The following RTP5 variants were observed in gnomAD, a reference collection of about 807,000 sequenced individuals.
RTP5 encodes the protein receptor-transporting protein 5.
In RTP5, 30 loss-of-function variants were observed where a neutral mutation model predicts 23.5. The observed-to-expected ratio is 1.27, with a 90% CI of 0.95 to 1.73. The LOEUF (loss-of-function observed/expected upper bound fraction) is 1.73, where lower values mean the gene tolerates loss of function less well. Ranked by LOEUF, RTP5 falls within the 40% of genes most tolerant of loss-of-function variation. RTP5 has a pLI of 0.00. For synonymous variants in RTP5, 354 were observed against 342.1 expected (o/e 1.03, Z -0.38); for missense variants, 807 against 784.2 (o/e 1.03, Z -0.35).
At chr2:241,870,672 A>G (rs112207834) in intron 1 of RTP5, among the ~76,000 whole-genome samples, 5,596 of 152,178 alleles carry the variant, frequency 0.037, 360 homozygotes, top group African/African-American at 0.13. Context: ...GAAAGTAATA[A>G]CCCGTGTTGG....
intron 1 of RTP5, among the ~76,000 whole-genome samples, chr2:241,870,679 T>C (rs1701301254): frequency 1.3e-5 from 2 of 152,238 alleles, no homozygotes; most frequent in African/African-American, 4.8e-5. Context: ...ATAACCCGTG[T>C]TGGGGTCTGA....
At position 241,871,716 on chromosome 2, in the gene RTP5, T is replaced by A; in HGVS notation, c.161T>A (p.Leu54His). Residue 54 changes from leucine to histidine, a missense_variant and splice_region_variant, in exon 2 of 2, where the codon CTC becomes CAC. Coordinates refer to ENST00000343216, the MANE Select transcript of RTP5 (RefSeq NM_173821.3). ...ACACACTTCTTTCCCCGCCGCAGGCTCCAGTGCGGTCACTGTCCGGGGACC... is the reference window on the plus strand; with the variant it reads ...ACACACTTCTTTCCCCGCCGCAGGCACCAGTGCGGTCACTGTCCGGGGACC... ...VQYLLVGLSR[L>H]QCGHCPGTWD... The A allele has an allele frequency of 1.2e-6, 2 of 1,603,508 alleles. No homozygotes were observed. Among genetic ancestry groups the A allele is most frequent in the South Asian group, 2.2e-5 (2 of 89,356 alleles).
Position 241,872,371 on chromosome 2 carries a change from C to T in RTP5, c.816C>T (p.Gly272=). 1 of 1,612,264 alleles carries T rather than the reference C, an allele frequency of 6.2e-7. No individual in the cohort carries two copies. The highest frequency in any genetic ancestry group is 8.5e-7 in the Non-Finnish European group (1 of 1,179,784). Residue 272 remains glycine (G), a synonymous_variant, in exon 2 of 2, where the codon GGC becomes GGT. Coordinates refer to ENST00000343216, the MANE Select transcript of RTP5 (RefSeq NM_173821.3). ...PVAIGDPLFH[G]PGLLGSSIQT... is the part of the protein sequence containing the mutation. Reference sequence around the variant, plus strand: ...CCATTGGAGACCCCCTCTTCCACGGCCCCGGCCTCCTCGGCAGCAGCATCC... The same window carrying T: ...CCATTGGAGACCCCCTCTTCCACGGTCCCGGCCTCCTCGGCAGCAGCATCC...
In RTP5 at chr2:241,871,799, C is replaced by G. The variant is rs755194626; in HGVS notation, c.244C>G (p.Arg82Gly). Residue 82 changes from arginine to glycine, a missense_variant, in exon 2 of 2, where the codon CGG becomes GGG. Transcript: ENST00000343216. ...FHLWWDRASH[R>G]GLVKMRIWGQ... is the part of the protein sequence containing the mutation. ...CCTGTGGTGGGACAGGGCCAGCCACCGGGGGCTGGTGAAGATGCGCATCTG... is the reference window on the plus strand; with the variant it reads ...CCTGTGGTGGGACAGGGCCAGCCACGGGGGGCTGGTGAAGATGCGCATCTG... 6.3e-7 allele frequency: 1 copy of G among 1,577,472 alleles called. No individual in the cohort carries two copies. The highest frequency in any genetic ancestry group is 1.3e-5 in the African/African-American group (1 of 74,164).
Position 241,872,391 on chromosome 2 carries a change from G to A in RTP5, c.836G>A (p.Ser279Asn), listed in dbSNP as rs1412897691. The A allele has an allele frequency of 6.2e-7, 1 of 1,612,434 alleles. No homozygotes were observed. ...CACGGCCCCGGCCTCCTCGGCAGCA[G>A]CATCCAGACCTTCGAGCTCAAGGGC... Reference protein sequence around the residue: ...LFHGPGLLGSSIQTFELKGFL... With the variant: ...LFHGPGLLGSNIQTFELKGFL... The change falls in exon 2 of 2, where the codon AGC (serine) becomes AAC (asparagine). Residue 279 changes from serine to asparagine, a missense_variant. Transcript: ENST00000343216.
intron 1 of RTP5, 143 bp downstream of exon 1, chr2:241,870,057 T>A: frequency 1.2e-6 from 1 of 867,844 alleles, no homozygotes. Context: ...GGGTGCTCCT[T>A]CTCCCGCCGG....
chr2:241,873,311 C>A lies in RTP5; in HGVS notation c.*37C>A, dbSNP rs1701363975. ...TCAGGCAACCCTCGCCTCTGGGACC[C>A]CGCCTCGCCTCTGAGACACCCCCCA... On this transcript the variant is annotated 3_prime_UTR_variant, in exon 2 of 2. Transcript: ENST00000343216. 8 of 1,535,624 alleles carry A rather than the reference C, an allele frequency of 5.2e-6. No homozygotes were observed. The highest frequency in any genetic ancestry group is 6.1e-6 in the Non-Finnish European group (7 of 1,144,268).
At position 241,873,588 on chromosome 2, in the gene RTP5, T is replaced by C. The variant is rs1575410426; in HGVS notation, c.*314T>C. 2.6e-5 allele frequency: 2 copies of C among 76,956 alleles called. No individual in the cohort carries two copies. The highest frequency in any genetic ancestry group is 4.5e-5 in the Non-Finnish European group (2 of 44,504). The allele number at this position is 76,956 out of a possible 1,614,324, so 4.8% of individuals were successfully genotyped here. On this transcript the variant is annotated 3_prime_UTR_variant, in exon 2 of 2. Transcript: ENST00000343216. ...GACCCCTTTCTCTGAGACCCCTGCC[T>C]CTGAAGCCCCGCCCCCCGCCTCCGA...
intron 1 of RTP5, 83 bp downstream of exon 1, chr2:241,869,997 G>T (rs1034164590): frequency 2.3e-5 from 31 of 1,319,252 alleles, no homozygotes; most frequent in Non-Finnish European, 2.8e-5. Flanking sequence ...CCCAGAGGCT[G>T]GGTGGGGCTG....
In RTP5 at chr2:241,869,849, G is replaced by C; in HGVS notation, c.93G>C (p.Glu31Asp). Residue 31 changes from glutamate to aspartate, a missense_variant, in exon 1 of 2, where the codon GAG (glutamate) becomes GAC (aspartate). Glu to Asp is a conservative substitution (Grantham distance 45, BLOSUM62 2). Transcript: ENST00000343216. ...KPQDVWVLLP[E>D]HSLVPGCLDG... ...AGGACGTCTGGGTTCTGCTACCTGAGCACAGCCTGGTCCCGGGATGCCTGG... is the reference window on the plus strand; with the variant it reads ...AGGACGTCTGGGTTCTGCTACCTGACCACAGCCTGGTCCCGGGATGCCTGG... The C allele has an allele frequency of 1.3e-6, 2 of 1,588,166 alleles. No individual in the cohort carries two copies.
Position 241,872,123 on chromosome 2 carries a change from AC to A in RTP5, c.572del (p.Pro191LeufsTer42). On this transcript the variant is annotated frameshift_variant, in exon 2 of 2. Coordinates refer to ENST00000343216, the MANE Select transcript of RTP5 (RefSeq NM_173821.3). LOFTEE classifies it high-confidence loss of function. ...GTVSRGKPLS[T>X]PGDDLGKGGV... Reference sequence around the variant, plus strand: ...CGTCTCCAGGGGCAAACCGCTGTCCACCCCTGGCGACGACCTTGGCAAGGGT... The same window carrying A: ...CGTCTCCAGGGGCAAACCGCTGTCCACCCTGGCGACGACCTTGGCAAGGGT... 6.2e-7 allele frequency: 1 copy of A among 1,607,178 alleles called. No homozygotes were observed. The highest frequency in any genetic ancestry group is 8.5e-7 in the Non-Finnish European group (1 of 1,175,864).
Position 241,873,139 on chromosome 2 carries a change from C to T in RTP5, c.1584C>T (p.Arg528=). Residue 528 remains arginine (R), a synonymous_variant, in exon 2 of 2, where the codon CGC becomes CGT. Coordinates refer to ENST00000343216, the MANE Select transcript of RTP5 (RefSeq NM_173821.3). ...RCGCRREEDE[R]PGRACRRPHA... ...GGTGCCGCCGGGAGGAAGACGAGCG[C>T]CCTGGCCGTGCCTGCCGTAGGCCGC... 6.2e-7 allele frequency: 1 copy of T among 1,612,120 alleles called. No homozygotes were observed. Among genetic ancestry groups the T allele is most frequent in the Non-Finnish European group, 8.5e-7 (1 of 1,179,938 alleles).
Position 241,872,008 on chromosome 2 carries a change from C to G in RTP5, c.453C>G (p.Val151=). The G allele has an allele frequency of 6.3e-7, 1 of 1,576,912 alleles. No individual in the cohort carries two copies. Among genetic ancestry groups the G allele is most frequent in the Non-Finnish European group, 8.6e-7 (1 of 1,159,030 alleles). Residue 151 remains valine, a synonymous_variant, in exon 2 of 2, where the codon GTC becomes GTG. Transcript: ENST00000343216. ...GCTGTGAGGCCTGTGAGCTGGGGGT[C>G]TGCTTCCTCCAGAAGGCCCCAGACC... ...EGCCEACELG[V]CFLQKAPDPA...
rs1701354546 is a variant in RTP5, at chr2:241,872,927, G to A, written c.1372G>A (p.Glu458Lys). 6 of 1,613,030 alleles carry A rather than the reference G, an allele frequency of 3.7e-6. No individual in the cohort carries two copies. Among genetic ancestry groups the A allele is most frequent in the Non-Finnish European group, 5.1e-6 (6 of 1,179,986 alleles). The part of the protein sequence containing the change: ...LVTAGHDAPL[E>K]ANAEGPITVS... ...CACCGCGGGTCACGACGCCCCTCTG[G>A]AGGCCAATGCCGAGGGCCCCATCAC... The change falls in exon 2 of 2, where the codon GAG (glutamate) becomes AAG (lysine). Residue 458 changes from glutamate to lysine, a missense_variant. Glu to Lys is a moderately conservative substitution (Grantham distance 56, BLOSUM62 1). Transcript: ENST00000343216.
rs759733095 is a variant in RTP5, at chr2:241,871,864, C to T, written c.309C>T (p.Cys103=). ...RCRLCPAPGD[C]QVRPPGEQPF... ...GGCTGTGCCCCGCACCCGGGGACTGCCAGGTGAGGCCCCCGGGCGAGCAGC... is the reference window on the plus strand; with the variant it reads ...GGCTGTGCCCCGCACCCGGGGACTGTCAGGTGAGGCCCCCGGGCGAGCAGC... The change falls in exon 2 of 2, where the codon TGC becomes TGT. Residue 103 remains cysteine, a synonymous_variant. Coordinates refer to ENST00000343216, the MANE Select transcript of RTP5 (RefSeq NM_173821.3). The T allele has an allele frequency of 6.5e-7, 1 of 1,546,362 alleles. No individual in the cohort carries two copies. The highest frequency in any genetic ancestry group is 8.7e-7 in the Non-Finnish European group (1 of 1,142,910).
chr2:241,871,526 T>A (rs1259583409), intron 1 of RTP5, among the ~76,000 whole-genome samples, 188 bp from the exon 2 acceptor site: 1 of 152,050 alleles, frequency 6.6e-6, no homozygotes, highest in African/African-American at 2.4e-5. Context: ...CAGGAGCAGG[T>A]GCTAGGCTGC....
intron 1 of RTP5, chr2:241,871,145 C>G (rs939038836): frequency 4.5e-6 from 2 of 447,874 alleles, no homozygotes; most frequent in African/African-American, 2.0e-5. Flanking sequence ...CGCAGGCCTC[C>G]GTGACATCCT....
rs764870229 is a variant in RTP5 at position 241,872,832 on chromosome 2, C to T, written c.1277C>T (p.Pro426Leu). The stretch of plus-strand genomic sequence containing the variant: ...AAGGGCTCCCTTGCCCTCCCCTTCC[C>T]TGCTGATGTCCAAGGCAAAGATGCC... Reference protein sequence around the residue: ...QVKGSLALPFPADVQGKDAFT... With the variant: ...QVKGSLALPFLADVQGKDAFT... Residue 426 changes from proline (P) to leucine (L), a missense_variant, in exon 2 of 2, where the codon CCT becomes CTT. Transcript: ENST00000343216. 3.1e-6 allele frequency: 5 copies of T among 1,612,586 alleles called. No individual in the cohort carries two copies. In the African/African-American group the frequency reaches 6.7e-5, roughly 22 times the overall value.
Position 241,873,038 on chromosome 2 carries a change from C to T in RTP5, c.1483C>T (p.Gln495Ter). The T allele has an allele frequency of 3.1e-6, 5 of 1,613,106 alleles. No individual in the cohort carries two copies. Among genetic ancestry groups the T allele is most frequent in the Non-Finnish European group, 4.2e-6 (5 of 1,179,914 alleles). Residue 495 changes from glutamine (Q) to a stop codon, truncating the protein, a stop_gained, in exon 2 of 2, where the codon CAG becomes TAG. Transcript: ENST00000343216. LOFTEE classifies it high-confidence loss of function. ...CGGTGGCCACGTTGCCTACGGCCCC[C>T]AGGGCAATGGCTGCTTCTCCCAAGG... Reference protein sequence around the residue: ...KGGGHVAYGPQGNGCFSQGYY... With the variant: ...KGGGHVAYGP
Sources: allele counts gnomAD v4.1 joint callset (sites outside exome capture counted in the v4.1 genomes callset), GRCh38; gene constraint gnomAD v4.1.1; transcripts MANE v1.5; gene names NCBI Gene and HGNC (gene_info 2026-07-23, HGNC 2026-07-21).